Variants in PHC2 observed in about 807,000 individuals in gnomAD.
PHC2 encodes polyhomeotic-like protein 2.
A neutral mutation model predicts 87.4 loss-of-function variants in PHC2; 29 were observed. That is an observed-to-expected ratio of 0.33 (90% CI 0.25 to 0.45). The LOEUF (loss-of-function observed/expected upper bound fraction) is 0.45, where lower values mean the gene tolerates loss of function less well. Among genes scored for constraint, PHC2 ranks in the 20% least tolerant of loss-of-function variants. The probability of loss-of-function intolerance (pLI) is 1.00; values close to 1 mark genes in which losing one functional copy is unlikely to be tolerated. For missense variants in PHC2, 857 were observed against 1,136.7 expected (o/e 0.75, Z 3.54); for synonymous variants, 438 against 461.7 (o/e 0.95, Z 0.66).
In PHC2 at chr1:33,369,803, T is replaced by A. The variant is rs1462974948; in HGVS notation, c.576+618A>T. On this transcript the variant is annotated intron_variant, in intron 5 of 14. Transcript: ENST00000683057. This position sits in a 1 kb window ranked among gnomAD's most constrained non-coding sequence, Gnocchi z 4.7. ...TGCCACCCAGGGAGTATGCTGCCAT[T>A]TTCCCAGGGCATTCTCCTAAATCTT... Among the ~76,000 whole-genome samples, 1 of 152,092 alleles carries A rather than the reference T, an allele frequency of 6.6e-6. No individual in the cohort carries two copies. The highest frequency in any genetic ancestry group is 2.4e-5 in the African/African-American group (1 of 41,416).
rs1411013223 is a variant in PHC2, at chr1:33,354,880, G to A, written c.1350C>T (p.His450=). 7 of 1,614,172 alleles carry A rather than the reference G, an allele frequency of 4.3e-6. No individual in the cohort carries two copies. In the Admixed American group the frequency reaches 1.2e-4, roughly 27 times the overall value. The change falls in exon 8 of 15, where the codon CAC becomes CAT. Residue 450 remains histidine (H), a synonymous_variant. Transcript: ENST00000683057. ...VPHTPQRRFQ[H]TSAVILQLQP... ...GCAGTTGTAAGATGACAGCTGAAGT[G>A]TGCTGGAACCTGCGTTGAGGGGTGT...
chr1:33,386,446 G>T (rs573484614), intron 1 of PHC2, among the ~76,000 whole-genome samples: 1 of 151,992 alleles, frequency 6.6e-6, no homozygotes, highest in African/African-American at 2.4e-5. Flanking sequence ...TTGAACCTGG[G>T]AGGCAGAGGT....
chr1:33,334,947 G>A lies in PHC2; in HGVS notation c.1559-655C>T, dbSNP rs1248996150. 6.6e-6 allele frequency among the ~76,000 whole-genome samples: 1 copy of A among 152,198 alleles called. No individual in the cohort carries two copies. The highest frequency in any genetic ancestry group is 1.5e-5 in the Non-Finnish European group (1 of 68,028). Reference sequence around the variant, plus strand: ...CATTTCTCTGCTAAGAAGGCTGCTAGGCAGAGGCTGAGATTTTCTCTGCTG... The same window carrying A: ...CATTTCTCTGCTAAGAAGGCTGCTAAGCAGAGGCTGAGATTTTCTCTGCTG... On this transcript the variant is annotated intron_variant, in intron 9 of 14. Transcript: ENST00000683057. This position sits in a 1 kb window ranked among gnomAD's most constrained non-coding sequence, Gnocchi z 5.5.
intron 1 of PHC2, among the ~76,000 whole-genome samples, chr1:33,424,243 G>A (rs1055015891): frequency 9.2e-5 from 14 of 151,982 alleles, no homozygotes; most frequent in Non-Finnish European, 1.8e-4. Context: ...TAAAACGAAC[G>A]GGTGCCTTAT....
At chr1:33,415,585 A>G (rs115439151) in intron 1 of PHC2, among the ~76,000 whole-genome samples, 375 of 152,372 alleles carry the variant, frequency 2.5e-3, no homozygotes, top group African/African-American at 8.6e-3. Flanking sequence ...CATCAAGAAT[A>G]TAAAGTTAAC....
intron 9 of PHC2, chr1:33,347,638 A>G (rs866539997): frequency 1.0e-6 from 1 of 985,426 alleles, no homozygotes; most frequent in Non-Finnish European, 1.2e-6. Flanking sequence ...CTCAAGTACA[A>G]CAGAAAGGAC....
chr1:33,353,374 A>T (rs1035512853), intron 9 of PHC2: 1 of 152,214 alleles, frequency 6.6e-6, no homozygotes, highest in Admixed American at 6.5e-5. Flanking sequence ...TCATTTGAAA[A>T]GCAACTTTCT....
intron 1 of PHC2, among the ~76,000 whole-genome samples, chr1:33,392,034 G>T (rs55908808): frequency 6.6e-6 from 1 of 152,168 alleles, no homozygotes; most frequent in African/African-American, 2.4e-5. Context: ...AAGTGCTAAC[G>T]GTCTTCATGG....
chr1:33,408,349 A>C (rs953796943), intron 1 of PHC2, among the ~76,000 whole-genome samples: 1 of 152,234 alleles, frequency 6.6e-6, no homozygotes, highest in African/African-American at 2.4e-5. Flanking sequence ...TTTGCTTCAA[A>C]TGGAGCTGCA....
intron 1 of PHC2, among the ~76,000 whole-genome samples, chr1:33,421,084 C>G (rs996563208): frequency 1.3e-5 from 2 of 152,106 alleles, no homozygotes; most frequent in African/African-American, 4.8e-5. Flanking sequence ...GCAATAAACA[C>G]TACCGTTTCT....
chr1:33,378,354 C>T (rs1245017860), intron 1 of PHC2, among the ~76,000 whole-genome samples: 1 of 152,180 alleles, frequency 6.6e-6, no homozygotes, highest in Non-Finnish European at 1.5e-5. Flanking sequence ...CATCAAGCAA[C>T]AAATCAGTAA....
chr1:33,355,307 T>C, intron 7 of PHC2, 54 bp from the exon 8 acceptor site: 2 of 1,472,966 alleles, frequency 1.4e-6, no homozygotes, highest in Non-Finnish European at 1.8e-6. Context: ...TCTTCTGCTG[T>C]GTCTTCCAAC....
intron 1 of PHC2, among the ~76,000 whole-genome samples, chr1:33,380,062 C>T (rs1295160370): frequency 6.6e-6 from 1 of 152,230 alleles, no homozygotes; most frequent in Admixed American, 6.5e-5. Flanking sequence ...TCTCTGTCCC[C>T]AGCTTGCACC....
At position 33,328,674 on chromosome 1, in the gene PHC2, A is replaced by C. The variant is rs1646424095; in HGVS notation, c.2425+196T>G. Reference sequence around the variant, plus strand: ...AAAATATACAGAATTACAGCTATGGAATATTTATAGTTTGCATTCTATGCT... The same window carrying C: ...AAAATATACAGAATTACAGCTATGGCATATTTATAGTTTGCATTCTATGCT... On this transcript the variant is annotated intron_variant, in intron 14 of 14. Transcript: ENST00000683057. 2.0e-5 allele frequency among the ~76,000 whole-genome samples: 3 copies of C among 152,284 alleles called. No individual in the cohort carries two copies. In the South Asian group the frequency reaches 6.2e-4, roughly 32 times the overall value.
chr1:33,372,196 T>C, intron 3 of PHC2, 93 bp downstream of exon 3: 4 of 1,254,554 alleles, frequency 3.2e-6, no homozygotes, highest in Non-Finnish European at 4.4e-6. Flanking sequence ...AAGAGAAGGA[T>C]GTGAAGCGCA....
chr1:33,390,251 T>A (rs1648982271), intron 1 of PHC2, among the ~76,000 whole-genome samples: 1 of 152,212 alleles, frequency 6.6e-6, no homozygotes, highest in South Asian at 2.1e-4. Context: ...ACATCAGAAA[T>A]CCACCTGAAA....
intron 1 of PHC2, among the ~76,000 whole-genome samples, chr1:33,409,119 G>A (rs1403339988): frequency 6.6e-6 from 1 of 151,630 alleles, no homozygotes; most frequent in Non-Finnish European, 1.5e-5. Flanking sequence ...TATAAATTGG[G>A]GTATATTTAA....
At chr1:33,362,233 C>A (rs1170492089) in intron 7 of PHC2, among the ~76,000 whole-genome samples, 2 of 152,166 alleles carry the variant, frequency 1.3e-5, no homozygotes, top group African/African-American at 2.4e-5. Context: ...TTGCTCAATG[C>A]CTATTAGATG....
rs1196489668 is a variant in PHC2, at chr1:33,355,146, G to A, written c.1084C>T (p.Pro362Ser). ...AGCACAGGCCGTGACTGCTGGGGCG[G>A]CGGCTGCTGCTGTTGTGGCTGTGGC... ...QQPQPQQQQP[P>S]PQQSRPVLQA... The change falls in exon 8 of 15, where the codon CCG becomes TCG. Residue 362 changes from proline to serine, a missense_variant. By Grantham distance (74) the Pro-to-Ser change is moderately conservative. This residue lies in a region of PHC2 where 832 missense variants were observed against 1,081.8 expected (regional missense o/e 0.77). Transcript: ENST00000683057. 2 of 1,611,204 alleles carry A rather than the reference G, an allele frequency of 1.2e-6. No homozygotes were observed. Among genetic ancestry groups the A allele is most frequent in the East Asian group, 2.2e-5 (1 of 44,856 alleles).
Sources: gnomAD v4.1 joint callset for allele counts (sites outside exome capture counted in the v4.1 genomes callset) on GRCh38, gnomAD v4.1.1 for gene constraint, gnomAD v4.1.1 regional missense constraint, Gnocchi (gnomAD v3.1) non-coding constraint, MANE v1.5 for transcripts, NCBI Gene and HGNC (gene_info 2026-07-23, HGNC 2026-07-21) for gene names.